UST: variants seen among roughly 807,000 people sequenced by gnomAD.
UST encodes the protein chondroitin sulfate 2-O-sulfotransferase.
A neutral mutation model predicts 45.6 loss-of-function variants in UST; 21 were observed. The ratio of observed to expected loss-of-function variants is 0.46; its 90% CI spans 0.33 to 0.66. The LOEUF (loss-of-function observed/expected upper bound fraction) is 0.66, where lower values mean the gene tolerates loss of function less well. UST is among the 30% of genes least tolerant of loss of function. The pLI is 0.02. For synonymous variants in UST, 215 were observed against 200.6 expected (o/e 1.07, Z -0.61); for missense variants, 463 against 512.4 (o/e 0.90, Z 0.93).
At chr6:148,756,993 C>T (rs1325939534) in intron 1 of UST, among the ~76,000 whole-genome samples, 2 of 152,238 alleles carry the variant, frequency 1.3e-5, no homozygotes, top group South Asian at 2.1e-4. Context: ...ACATTACAAC[C>T]ACTTATGACA....
chr6:148,965,375 A>G (rs926452740), intron 5 of UST, among the ~76,000 whole-genome samples: 1 of 152,160 alleles, frequency 6.6e-6, no homozygotes, highest in African/African-American at 2.4e-5. Context: ...TGTGTCTGAG[A>G]GAGCCCTTGG....
chr6:149,043,165 G>A (rs1776349812), intron 7 of UST, among the ~76,000 whole-genome samples: 1 of 150,728 alleles, frequency 6.6e-6, no homozygotes, highest in African/African-American at 2.4e-5. Context: ...CTAGAGTGTG[G>A]TGGCATGATC....
intron 2 of UST, among the ~76,000 whole-genome samples, chr6:148,939,109 T>C (rs1474116350): frequency 1.3e-5 from 2 of 152,168 alleles, no homozygotes; most frequent in Non-Finnish European, 2.9e-5. Flanking sequence ...AAGAATTCTA[T>C]TTATAATGAC....
intron 1 of UST, among the ~76,000 whole-genome samples, chr6:148,767,273 T>G (rs1562561582): frequency 6.6e-6 from 1 of 152,274 alleles, no homozygotes; most frequent in South Asian, 2.1e-4. Context: ...CCAGTTTGAT[T>G]GTTCCAATTT....
intron 7 of UST, among the ~76,000 whole-genome samples, chr6:149,070,083 GT>G (rs1250711172): frequency 2.0e-5 from 3 of 152,014 alleles, no homozygotes; most frequent in African/African-American, 4.8e-5. Context: ...AATAATTTAA[GT>G]AATGAATTTA....
intron 1 of UST, among the ~76,000 whole-genome samples, chr6:148,796,144 C>A (rs1383977037): frequency 6.6e-6 from 1 of 152,120 alleles, no homozygotes; most frequent in African/African-American, 2.4e-5. Flanking sequence ...TCCTCATCCT[C>A]TCTAGGATGA....
intron 1 of UST, among the ~76,000 whole-genome samples, chr6:148,797,629 A>G (rs55919875): frequency 0.33 from 50,685 of 152,058 alleles, 9,132 homozygotes; most frequent in East Asian, 0.61. Context: ...GTGATGGAAA[A>G]TGTATCCTTC....
intron 1 of UST, among the ~76,000 whole-genome samples, chr6:148,804,058 C>T (rs550536786): frequency 2.0e-5 from 3 of 152,202 alleles, no homozygotes; most frequent in South Asian, 2.1e-4. Flanking sequence ...ATAAGGACCC[C>T]GTAAATGTTT....
intron 1 of UST, among the ~76,000 whole-genome samples, chr6:148,846,542 A>G (rs1777994817): frequency 6.6e-6 from 1 of 152,072 alleles, no homozygotes; most frequent in Non-Finnish European, 1.5e-5. Context: ...GCACATGTAT[A>G]CATATGTAAC....
chr6:149,062,325 A>G (rs1776666205), intron 7 of UST, among the ~76,000 whole-genome samples: 1 of 152,124 alleles, frequency 6.6e-6, no homozygotes, highest in African/African-American at 2.4e-5. Flanking sequence ...TAAGGAAGGA[A>G]TTTAGCTAAA....
At chr6:148,771,337 G>T (rs780677571) in intron 1 of UST, among the ~76,000 whole-genome samples, 18 of 152,132 alleles carry the variant, frequency 1.2e-4, no homozygotes, top group Non-Finnish European at 2.5e-4. Context: ...ACCTAAAGTC[G>T]CATAGGCTGT....
chr6:149,055,329 G>A (rs898499187), intron 7 of UST, among the ~76,000 whole-genome samples: 13 of 152,040 alleles, frequency 8.6e-5, no homozygotes, highest in African/African-American at 1.4e-4. Flanking sequence ...ATTTAATGCC[G>A]GTTCACTTAT....
At chr6:148,826,432 G>GTTT (rs11372887) in intron 1 of UST, among the ~76,000 whole-genome samples, 10 of 148,948 alleles carry the variant, frequency 6.7e-5, no homozygotes, top group African/African-American at 2.5e-4. Context: ...TATTCATCAT[G>GTTT]TTTTTTTTTT....
In UST at chr6:148,765,661, A is replaced by G. The variant is rs557568039; in HGVS notation, c.247+17984A>G. ...GGCATAGGAAATCATGAGAGTATTG[A>G]TTGGGGAAGTGATAAATGTCCATGA... On this transcript the variant is annotated intron_variant, in intron 1 of 7. Coordinates refer to ENST00000367463, the MANE Select transcript of UST (RefSeq NM_005715.3). Among the ~76,000 whole-genome samples the G allele has an allele frequency of 1.4e-3, 213 of 152,346 alleles. 2 individuals are homozygous for G. Among genetic ancestry groups the G allele is most frequent in the Admixed American group, 1.5e-3 (23 of 15,304 alleles).
chr6:149,067,792 C>T (rs531753091), intron 7 of UST, among the ~76,000 whole-genome samples: 1 of 152,264 alleles, frequency 6.6e-6, no homozygotes, highest in African/African-American at 2.4e-5. Context: ...CGATGGAGTG[C>T]ACTGGGATTT....
chr6:148,940,893 G>A (rs1226614016), intron 2 of UST, among the ~76,000 whole-genome samples: 2 of 151,908 alleles, frequency 1.3e-5, no homozygotes, highest in Non-Finnish European at 2.9e-5. Context: ...TAAGAGTTCT[G>A]GAATTCCACT....
intron 2 of UST, among the ~76,000 whole-genome samples, chr6:148,932,086 T>C (rs962276193): frequency 3.9e-5 from 6 of 152,212 alleles, no homozygotes; most frequent in African/African-American, 1.4e-4. Context: ...TTTTAGAAAC[T>C]GTAACATTTT....
At chr6:148,964,810 G>A (rs1387078752) in intron 5 of UST, 1 of 518,310 alleles carries the variant, frequency 1.9e-6, no homozygotes, top group East Asian at 3.4e-5. Context: ...TTTAGTGCTA[G>A]GTTTTGGGAC....
intron 5 of UST, among the ~76,000 whole-genome samples, chr6:148,972,094 A>G (rs1780929416): frequency 6.6e-6 from 1 of 152,224 alleles, no homozygotes; most frequent in Admixed American, 6.5e-5. Context: ...CCGCCTAGTT[A>G]GCAACAGAAG....
Sources: allele counts gnomAD v4.1 joint callset (sites outside exome capture counted in the v4.1 genomes callset), GRCh38; gene constraint gnomAD v4.1.1; transcripts MANE v1.5; gene names NCBI Gene and HGNC (gene_info 2026-07-23, HGNC 2026-07-21).